Variants in FAM133B observed in about 807,000 individuals in gnomAD.
FAM133B encodes the protein family with sequence similarity 133 member B.
Under a neutral mutation model 46.4 loss-of-function variants are expected in FAM133B, and 25 were observed. The observed-to-expected ratio is 0.54, with a 90% CI of 0.39 to 0.75. FAM133B has a LOEUF of 0.75. Ranked by LOEUF, FAM133B falls within the 30% of genes least tolerant of loss-of-function variation. The pLI, the probability that FAM133B is intolerant of heterozygous loss-of-function variation, is 0.00. For missense variants in FAM133B, 205 were observed against 277.6 expected (o/e 0.74, Z 1.86); for synonymous variants, 75 against 86.0 (o/e 0.87, Z 0.71).
chr7:92,580,796 T>C (rs1460846050), intron 2 of FAM133B, among the ~76,000 whole-genome samples: 1 of 152,222 alleles, frequency 6.6e-6, no homozygotes, highest in Non-Finnish European at 1.5e-5. Context: ...TCATTCCCTC[T>C]CCCCATTAAA....
intron 1 of FAM133B, among the ~76,000 whole-genome samples, chr7:92,583,216 T>G (rs1017011929): frequency 3.5e-4 from 53 of 152,180 alleles, no homozygotes; most frequent in African/African-American, 1.3e-3. Context: ...CTAAATGAAA[T>G]AAAACAAGAA....
At chr7:92,584,573 T>C (rs1012875789) in intron 1 of FAM133B, among the ~76,000 whole-genome samples, 5 of 152,226 alleles carry the variant, frequency 3.3e-5, no homozygotes, top group Admixed American at 1.3e-4. Flanking sequence ...GAGCCCCTCA[T>C]GTAAGGAATG....
At chr7:92,565,883 G>T in intron 10 of FAM133B, 131 bp downstream of exon 10, 1 of 936,652 alleles carries the variant, frequency 1.1e-6, no homozygotes, top group Non-Finnish European at 1.7e-6. Flanking sequence ...TGAAGCTGCT[G>T]AACACACCAC....
chr7:92,577,311 AT>A (rs1166780927), intron 6 of FAM133B, 116 bp from the exon 7 acceptor site: 6 of 655,936 alleles, frequency 9.1e-6, no homozygotes, highest in African/African-American at 7.6e-5. Context: ...CAGTTTCTAT[AT>A]TTTTTTCTTA....
intron 10 of FAM133B, among the ~76,000 whole-genome samples, chr7:92,562,642 A>ATCATGCTACCAATCACTATTATT (rs1794195624): frequency 1.3e-5 from 2 of 152,250 alleles, no homozygotes; most frequent in Admixed American, 6.5e-5. Flanking sequence ...ATTCAATTGA[A>ATCATGCTACCAATCACTATTATT]TCATGCTACC....
intron 9 of FAM133B, among the ~76,000 whole-genome samples, chr7:92,568,910 T>C (rs563606756): frequency 1.3e-5 from 2 of 152,132 alleles, no homozygotes; most frequent in East Asian, 1.9e-4. Flanking sequence ...ATGGGGGCAA[T>C]AGGTCTTAAA....
At chr7:92,573,546 T>G (rs1794601426) in intron 8 of FAM133B, among the ~76,000 whole-genome samples, 1 of 152,076 alleles carries the variant, frequency 6.6e-6, no homozygotes, top group South Asian at 2.1e-4. Flanking sequence ...ATATTAATAT[T>G]TGTTGATTAC....
At chr7:92,568,135 C>G (rs1168429342) in intron 9 of FAM133B, among the ~76,000 whole-genome samples, 1 of 151,934 alleles carries the variant, frequency 6.6e-6, no homozygotes, top group Middle Eastern at 3.2e-3. Context: ...GTTGCCCAAG[C>G]TGGTCGTAAC....
At chr7:92,566,801 T>C (rs1794363808) in intron 9 of FAM133B, among the ~76,000 whole-genome samples, 1 of 152,212 alleles carries the variant, frequency 6.6e-6, no homozygotes, top group African/African-American at 2.4e-5. Context: ...GCTCAACAAA[T>C]GGTAGCTCTA....
intron 10 of FAM133B, among the ~76,000 whole-genome samples, chr7:92,565,213 C>T (rs1226923768): frequency 1.5e-4 from 22 of 144,216 alleles, no homozygotes; most frequent in African/African-American, 3.9e-4. Context: ...TGCAGTGGGG[C>T]GATCTCAGCT....
intron 1 of FAM133B, among the ~76,000 whole-genome samples, chr7:92,586,274 A>AT (rs141824263): frequency 0.028 from 4,333 of 152,274 alleles, 238 homozygotes; most frequent in African/African-American, 0.099. Flanking sequence ...TATAATAGCA[A>AT]TATTTTTTAA....
chr7:92,567,110 T>C (rs1256835539), intron 9 of FAM133B, among the ~76,000 whole-genome samples: 2 of 151,674 alleles, frequency 1.3e-5, no homozygotes, highest in Non-Finnish European at 2.9e-5. Flanking sequence ...CCTAGCTACT[T>C]GGAAGGGTGA....
chr7:92,568,123 A>T (rs1232699321), intron 9 of FAM133B, among the ~76,000 whole-genome samples: 1 of 151,936 alleles, frequency 6.6e-6, no homozygotes, highest in Non-Finnish European at 1.5e-5. Context: ...GGGTTTCGCT[A>T]TGTTGCCCAA....
rs572536201 is a variant in FAM133B, at chr7:92,560,841, T to C, written c.*1441A>G. On this transcript the variant is annotated 3_prime_UTR_variant, in exon 11 of 11. Transcript: ENST00000445716. ...TTCAGCCTGTTGTCATGCCAACATGTTCTGTGCATATACCACTATAATTAG... is the reference window on the plus strand; with the variant it reads ...TTCAGCCTGTTGTCATGCCAACATGCTCTGTGCATATACCACTATAATTAG... The C allele has an allele frequency of 2.6e-5, 4 of 152,648 alleles. No individual in the cohort carries two copies. The South Asian group carries it at 8.3e-4, about 32-fold the overall frequency. 9.5% of individuals were successfully genotyped at this position (152,648 alleles called of 1,614,324 possible).
intron 1 of FAM133B, among the ~76,000 whole-genome samples, chr7:92,588,670 A>C (rs1486312946): frequency 6.6e-6 from 1 of 152,104 alleles, no homozygotes; most frequent in African/African-American, 2.4e-5. Flanking sequence ...TGTAATCCCC[A>C]ATGTTGGAGG....
At chr7:92,590,099 T>C in intron 1 of FAM133B, 169 bp downstream of exon 1, 4 of 913,736 alleles carry the variant, frequency 4.4e-6, no homozygotes, top group Non-Finnish European at 6.6e-6. Context: ...AAGCGCCAAC[T>C]GCGTGCGCGG....
At chr7:92,585,450 G>T in intron 1 of FAM133B, 2 of 764,218 alleles carry the variant, frequency 2.6e-6, no homozygotes, top group Non-Finnish European at 1.6e-6. Flanking sequence ...TTTCCAAAGA[G>T]TGCAAATATA....
At chr7:92,583,591 G>A (rs1045647171) in intron 1 of FAM133B, among the ~76,000 whole-genome samples, 3 of 151,950 alleles carry the variant, frequency 2.0e-5, no homozygotes, top group Non-Finnish European at 2.9e-5. Flanking sequence ...AAAGCAAAAG[G>A]TTTCTTTGTT....
intron 8 of FAM133B, among the ~76,000 whole-genome samples, chr7:92,574,770 T>C (rs1022725610): frequency 6.6e-6 from 1 of 151,688 alleles, no homozygotes; most frequent in Non-Finnish European, 1.5e-5. Context: ...CCGGGCGCGG[T>C]GGCGGGCGCC....
Sources: allele counts gnomAD v4.1 joint callset (sites outside exome capture counted in the v4.1 genomes callset), GRCh38; gene constraint gnomAD v4.1.1; transcripts MANE v1.5; gene names NCBI Gene and HGNC (gene_info 2026-07-23, HGNC 2026-07-21).